URAD: variants seen among roughly 807,000 people sequenced by gnomAD.
URAD encodes putative 2-oxo-4-hydroxy-4-carboxy-5-ureidoimidazoline decarboxylase.
URAD carries 4 observed loss-of-function variants against 4.6 expected under a neutral mutation model. The observed-to-expected ratio is 0.87, with a 90% CI of 0.43 to 1.98. URAD has a LOEUF of 1.98. URAD is among the 30% of genes most tolerant of loss of function. URAD has a pLI of 0.03. For synonymous variants in URAD, 144 were observed against 118.2 expected (o/e 1.22, Z -1.41); for missense variants, 300 against 255.3 (o/e 1.18, Z -1.19).
intron 1 of URAD, among the ~76,000 whole-genome samples, chr13:27,983,531 G>T (rs757755114): frequency 2.0e-5 from 3 of 151,918 alleles, no homozygotes; most frequent in Admixed American, 6.6e-5. Flanking sequence ...GCCCAGCCAG[G>T]TTCCTTTTCT....
intron 1 of URAD, among the ~76,000 whole-genome samples, chr13:27,988,054 G>A (rs991337513): frequency 6.6e-6 from 1 of 152,162 alleles, no homozygotes; most frequent in Non-Finnish European, 1.5e-5. Context: ...CGCTTCCCAG[G>A]CTCAAGCGAT....
At chr13:27,987,925 G>GATAGATAA (rs1200593667) in intron 1 of URAD, among the ~76,000 whole-genome samples, 1 of 115,956 alleles carries the variant, frequency 8.6e-6, no homozygotes, top group Non-Finnish European at 1.9e-5. Context: ...TAGATAGATA[G>GATAGATAA]ATAGATAGAT....
In URAD at chr13:27,978,313, G is replaced by T. The variant is rs753462735; in HGVS notation, c.315C>A (p.Ala105=). 6 of 1,396,960 alleles carry T rather than the reference G, an allele frequency of 4.3e-6. No individual in the cohort carries two copies. Among genetic ancestry groups the T allele is most frequent in the Non-Finnish European group, 5.5e-6 (6 of 1,083,434 alleles). 86.5% of individuals were successfully genotyped at this position (1,396,960 alleles called of 1,614,324 possible). A position where few individuals can be genotyped will look rare whatever the true frequency, so the allele number is the denominator to read the frequency against. ...GCGCGCGGTACTGCGCGTTGAGCTCGGCCAGCCGCAGCCGCTCGTCCGCGC... is the reference window on the plus strand; with the variant it reads ...GCGCGCGGTACTGCGCGTTGAGCTCTGCCAGCCGCAGCCGCTCGTCCGCGC... ...SLGADERLRL[A]ELNAQYRARF... is the part of the protein sequence containing the mutation. Residue 105 remains alanine (A), a synonymous_variant, in exon 2 of 2, where the codon GCC becomes GCA. Coordinates refer to ENST00000332715, the MANE Select transcript of URAD (RefSeq NM_001105577.2).
chr13:27,978,346 C>A lies in URAD; in HGVS notation c.282G>T (p.Arg94Ser). ...SQREQSGAGLRSLGADERLRL... is the reference protein window; with the variant it reads ...SQREQSGAGLSSLGADERLRL... ...GCAGCCGCTCGTCCGCGCCCAGGCT[C>A]CTCAGGCCTGCGCCGCTCTGTTCCC... The change falls in exon 2 of 2, where the codon AGG becomes AGT. Residue 94 changes from arginine to serine, a missense_variant. Physicochemically the swap from Arg to Ser is moderately radical, Grantham distance 110. Transcript: ENST00000332715. 1.4e-6 allele frequency: 2 copies of A among 1,399,382 alleles called. No homozygotes were observed. The highest frequency in any genetic ancestry group is 1.8e-6 in the Non-Finnish European group (2 of 1,084,560). The allele number at this position is 1,399,382 out of a possible 1,614,324, so 86.7% of individuals were successfully genotyped here. A position where few individuals can be genotyped will look rare whatever the true frequency, so the allele number is the denominator to read the frequency against.
At chr13:27,984,139 C>T (rs1032210652) in intron 1 of URAD, among the ~76,000 whole-genome samples, 3 of 152,174 alleles carry the variant, frequency 2.0e-5, no homozygotes, top group Non-Finnish European at 4.4e-5. Flanking sequence ...CCTCAACCTT[C>T]TGGGCTCAAG....
intron 1 of URAD, among the ~76,000 whole-genome samples, chr13:27,983,934 C>T (rs1214269021): frequency 6.6e-6 from 1 of 152,164 alleles, no homozygotes; most frequent in African/African-American, 2.4e-5. Flanking sequence ...ACCCTCATAG[C>T]CTGTATTATA....
chr13:27,978,563 G>C (rs868600525), intron 1 of URAD, 111 bp from the exon 2 acceptor site: 8 of 825,422 alleles, frequency 9.7e-6, no homozygotes, highest in African/African-American at 1.8e-5. Context: ...GCCCCGCCCC[G>C]CCCGGCCCCA....
chr13:27,984,873 G>A (rs1047458912), intron 1 of URAD, among the ~76,000 whole-genome samples: 3 of 152,134 alleles, frequency 2.0e-5, no homozygotes, highest in South Asian at 2.1e-4. Flanking sequence ...CGGCTACTCC[G>A]GAGGCTGAGG....
At chr13:27,980,832 G>C (rs1282761886) in intron 1 of URAD, among the ~76,000 whole-genome samples, 2 of 152,012 alleles carry the variant, frequency 1.3e-5, no homozygotes, top group Non-Finnish European at 2.9e-5. Context: ...TCACTCTCTA[G>C]AGTTTGTCTC....
rs537446333 is a variant in URAD, at chr13:27,978,216, G to C, written c.412C>G (p.Arg138Gly). 3.9e-5 allele frequency: 57 copies of C among 1,477,608 alleles called. No individual in the cohort carries two copies. In the South Asian group the frequency reaches 6.2e-4, roughly 16 times the overall value. 91.5% of individuals were successfully genotyped at this position (1,477,608 alleles called of 1,614,324 possible). A position where few individuals can be genotyped will look rare whatever the true frequency, so the allele number is the denominator to read the frequency against. The stretch of plus-strand genomic sequence containing the variant: ...TCCTGCGCGGACGGGCAGAGCAGCC[G>C]GCGCGCCAGCTCGCGCGGCACCGCC... The part of the protein sequence containing the change: ...RTAVPRELAR[R>G]LLCPSAQELR... Residue 138 changes from arginine (R) to glycine (G), a missense_variant, in exon 2 of 2, where the codon CGG becomes GGG. Physicochemically the swap from Arg to Gly is moderately radical, Grantham distance 125 (BLOSUM62 -2). Coordinates refer to ENST00000332715, the MANE Select transcript of URAD (RefSeq NM_001105577.2).
intron 1 of URAD, among the ~76,000 whole-genome samples, chr13:27,980,798 C>T (rs1242647492): frequency 6.6e-6 from 1 of 152,080 alleles, no homozygotes; most frequent in Non-Finnish European, 1.5e-5. Flanking sequence ...CCTTCTTGCC[C>T]TTGGTGCCCT....
Position 27,988,663 on chromosome 13 carries a change from G to A in URAD, c.-26C>T, listed in dbSNP as rs779009570. Reference sequence around the variant, plus strand: ...TCCTTGTATTCCACTGGAGACAGCGGGACGTCCAGCTCCCCTCTCGGTGAG... The same window carrying A: ...TCCTTGTATTCCACTGGAGACAGCGAGACGTCCAGCTCCCCTCTCGGTGAG... On this transcript the variant is annotated 5_prime_UTR_variant, in exon 1 of 2. Coordinates refer to ENST00000332715, the MANE Select transcript of URAD (RefSeq NM_001105577.2). 2 of 1,557,708 alleles carry A rather than the reference G, an allele frequency of 1.3e-6. No homozygotes were observed. Among genetic ancestry groups the A allele is most frequent in the Admixed American group, 3.8e-5 (2 of 53,234 alleles).
intron 1 of URAD, 95 bp from the exon 2 acceptor site, chr13:27,978,547 TGCCCCGCCCC>T: frequency 1.0e-6 from 1 of 960,182 alleles, no homozygotes; most frequent in Non-Finnish European, 1.4e-6. Flanking sequence ...CCGGCCCCCC[TGCCCCGCCCC>T]GCCCCGCCCG....
At chr13:27,987,030 G>A (rs1870047767) in intron 1 of URAD, among the ~76,000 whole-genome samples, 1 of 152,194 alleles carries the variant, frequency 6.6e-6, no homozygotes, top group Non-Finnish European at 1.5e-5. Flanking sequence ...TTGATTTTAT[G>A]ACATCCTCTG....
chr13:27,979,872 T>C (rs1022029922), intron 1 of URAD, among the ~76,000 whole-genome samples: 27 of 152,004 alleles, frequency 1.8e-4, no homozygotes, highest in African/African-American at 6.5e-4. Flanking sequence ...GGGGGTAACA[T>C]CCCCGTGTAA....
chr13:27,985,767 C>T (rs1355194938), intron 1 of URAD, among the ~76,000 whole-genome samples: 4 of 152,124 alleles, frequency 2.6e-5, no homozygotes, highest in African/African-American at 7.2e-5. Flanking sequence ...TGTGTCCTTG[C>T]TCAAGTTACT....
At chr13:27,984,372 A>C (rs1178525437) in intron 1 of URAD, among the ~76,000 whole-genome samples, 2 of 152,178 alleles carry the variant, frequency 1.3e-5, no homozygotes, top group Non-Finnish European at 2.9e-5. Context: ...CCTCATCTTT[A>C]ATCTGTGGGA....
chr13:27,984,618 G>GATTC (rs1566042906), intron 1 of URAD, among the ~76,000 whole-genome samples: 1 of 152,170 alleles, frequency 6.6e-6, no homozygotes, highest in Admixed American at 6.5e-5. Context: ...CTTCTTTTTA[G>GATTC]ATTCAAATAA....
chr13:27,987,908 A>AGATAGAT (rs1870079339), intron 1 of URAD, among the ~76,000 whole-genome samples: 1 of 68,026 alleles, frequency 1.5e-5, no homozygotes, highest in South Asian at 3.2e-4. Context: ...ATAGATAGAT[A>AGATAGAT]GATAGATAGA....
Sources: allele counts gnomAD v4.1 joint callset (sites outside exome capture counted in the v4.1 genomes callset), GRCh38; gene constraint gnomAD v4.1.1; transcripts MANE v1.5; gene names NCBI Gene and HGNC (gene_info 2026-07-23, HGNC 2026-07-21).